The following LTBP3 variants were observed in gnomAD, a reference collection of about 807,000 sequenced individuals.
LTBP3 encodes the protein latent transforming growth factor beta binding protein 3.
Under a neutral mutation model 159.7 loss-of-function variants are expected in LTBP3, and 97 were observed. The ratio of observed to expected loss-of-function variants is 0.61; its 90% CI spans 0.52 to 0.72. The LOEUF (loss-of-function observed/expected upper bound fraction) is 0.72, where lower values mean the gene tolerates loss of function less well. Ranked by LOEUF, LTBP3 falls within the 30% of genes least tolerant of loss-of-function variation. The pLI is 0.00. For synonymous variants in LTBP3, 824 were observed against 777.1 expected, an observed-to-expected ratio of 1.06 and a Z score of -1.00; for missense variants, 1,584 against 1,864.3, an observed-to-expected ratio of 0.85 and a Z score of 2.77.
rs201114416 is a variant in LTBP3, at chr11:65,551,217, G to A, written c.1629C>T (p.Ile543=). 4.5e-5 allele frequency: 69 copies of A among 1,547,356 alleles called. No individual in the cohort carries two copies. The East Asian group carries it at 1.6e-3, about 36-fold the overall frequency. ...TTPARPYPEL[I]SRPSPPTMRW... ...GCATGGTCGGGGGCGAGGGACGGGA[G>A]ATCAGCTCTGCGGGCGGCAGTGCAC... The change falls in exon 11 of 28, where the codon ATC becomes ATT. Residue 543 remains isoleucine (I), a synonymous_variant. Coordinates refer to ENST00000301873, the MANE Select transcript of LTBP3 (RefSeq NM_001130144.3).
Position 65,546,538 on chromosome 11 carries a change from G to A in LTBP3, c.2257C>T (p.Pro753Ser), listed in dbSNP as rs1184329319. ...RDVNECAEGS[P>S]CSPGWCENLP... is the part of the protein sequence containing the mutation. ...TTCTCGCACCAGCCAGGCGAGCAGGGGCTGCCCTCGGCGCACTCGTTCACG... is the reference window on the plus strand; with the variant it reads ...TTCTCGCACCAGCCAGGCGAGCAGGAGCTGCCCTCGGCGCACTCGTTCACG... Residue 753 changes from proline to serine, a missense_variant, in exon 16 of 28, where the codon CCC (proline) becomes TCC (serine). Pro to Ser is a moderately conservative substitution (Grantham distance 74, BLOSUM62 -1). Coordinates refer to ENST00000301873, the MANE Select transcript of LTBP3 (RefSeq NM_001130144.3). The surrounding 1 kb of genome is among the most constrained non-coding windows in gnomAD (Gnocchi z 4.0). 1 of 1,602,154 alleles carries A rather than the reference G, an allele frequency of 6.2e-7. No homozygotes were observed. The highest frequency in any genetic ancestry group is 8.5e-7 in the Non-Finnish European group (1 of 1,179,396).
At chr11:65,540,715 AC>A (rs1856083521) in intron 21 of LTBP3, 101 bp from the exon 22 acceptor site, 1 of 1,504,046 alleles carries the variant, frequency 6.6e-7, no homozygotes. Context: ...GGCGGGGCCT[AC>A]AGGAGGGGCG....
Position 65,558,095 on chromosome 11 carries a change from G to A in LTBP3, c.-136C>T, listed in dbSNP as rs1409495643. 3 of 1,073,948 alleles carry A rather than the reference G, an allele frequency of 2.8e-6. No homozygotes were observed. Among genetic ancestry groups the A allele is most frequent in the Non-Finnish European group, 3.4e-6 (3 of 885,690 alleles). The allele number at this position is 1,073,948 out of a possible 1,614,324, so 66.5% of individuals were successfully genotyped here. A position where few individuals can be genotyped will look rare whatever the true frequency, so the allele number is the denominator to read the frequency against. On this transcript the variant is annotated 5_prime_UTR_variant, in exon 1 of 28. Transcript: ENST00000301873. The stretch of plus-strand genomic sequence containing the variant: ...GGAGGGCAGCGGGGGAAGCGGGCGG[G>A]AGGGGACCGCGGGGGCCCGGCGGGA...
At position 65,539,567 on chromosome 11, in the gene LTBP3, C is replaced by G; in HGVS notation, c.3609G>C (p.Leu1203=). 2.5e-6 allele frequency: 4 copies of G among 1,612,802 alleles called. No individual in the cohort carries two copies. Among genetic ancestry groups the G allele is most frequent in the Non-Finnish European group, 3.4e-6 (4 of 1,179,332 alleles). Residue 1203 remains leucine, a synonymous_variant, in exon 26 of 28, where the codon CTG becomes CTC. Transcript: ENST00000301873. ...ACTCACCTCTTGGGGGCTTCCCCAA[C>G]AGCAGGGGGCTTGTGTCCCAGAAGG... The part of the protein sequence containing the change: ...SNSFWDTSPL[L]LGKPPRDEDS...
In LTBP3 at chr11:65,546,973, C is replaced by A; in HGVS notation, c.2108-53G>T. 1 of 1,602,322 alleles carries A rather than the reference C, an allele frequency of 6.2e-7. No individual in the cohort carries two copies. Among genetic ancestry groups the A allele is most frequent in the Non-Finnish European group, 8.5e-7 (1 of 1,178,816 alleles). On this transcript the variant is annotated intron_variant, in intron 14 of 27. Coordinates refer to ENST00000301873, the MANE Select transcript of LTBP3 (RefSeq NM_001130144.3). This position sits in a 1 kb window ranked among gnomAD's most constrained non-coding sequence, Gnocchi z 4.0. ...CCATCTGGGGACAACGCGGGTGGCC[C>A]GGCTCCCAGCGTCCACAGCAGGGAC...
intron 1 of LTBP3, among the ~76,000 whole-genome samples, chr11:65,557,022 T>C (rs945974524): frequency 6.6e-6 from 1 of 151,974 alleles, no homozygotes; most frequent in South Asian, 2.1e-4. Flanking sequence ...TAGGAGCTTA[T>C]GGGGAGGCAT....
rs923891777 is a variant in LTBP3, at chr11:65,546,141, T to C, written c.2353+301A>G. 1 of 414,284 alleles carries C rather than the reference T, an allele frequency of 2.4e-6. No homozygotes were observed. Among genetic ancestry groups the C allele is most frequent in the African/African-American group, 2.1e-5 (1 of 46,740 alleles). 25.7% of individuals were successfully genotyped at this position (414,284 alleles called of 1,614,324 possible). ...GCCCCCAGCCCCGCCTCTTGGCGTA[T>C]AATAAACAGGAGTGCAGGGGGGAGT... On this transcript the variant is annotated intron_variant, in intron 16 of 27. Transcript: ENST00000301873. The surrounding 1 kb of genome is among the most constrained non-coding windows in gnomAD (Gnocchi z 4.0).
Position 65,538,866 on chromosome 11 carries a change from AG to A in LTBP3, c.*213del. 1.1e-6 allele frequency: 1 copy of A among 911,422 alleles called. No homozygotes were observed. Among genetic ancestry groups the A allele is most frequent in the Non-Finnish European group, 1.5e-6 (1 of 659,444 alleles). 56.5% of individuals were successfully genotyped at this position (911,422 alleles called of 1,614,324 possible). ...CAGTTTCTAGGAAACACCCTCTGGGAGGAAGGCAGGCAGCGCCCGCCGGAGA... is the reference window on the plus strand; with the variant it reads ...CAGTTTCTAGGAAACACCCTCTGGGAGAAGGCAGGCAGCGCCCGCCGGAGA... On this transcript the variant is annotated 3_prime_UTR_variant, in exon 28 of 28. Transcript: ENST00000301873.
At position 65,540,489 on chromosome 11, in the gene LTBP3, C is replaced by T. The variant is rs200797100; in HGVS notation, c.3103G>A (p.Val1035Met). 17 of 1,613,388 alleles carry T rather than the reference C, an allele frequency of 1.1e-5. No homozygotes were observed. The Admixed American group carries it at 2.7e-4, about 25-fold the overall frequency. Residue 1035 changes from valine (V) to methionine (M), a missense_variant, in exon 22 of 28, where the codon GTG becomes ATG. Coordinates refer to ENST00000301873, the MANE Select transcript of LTBP3 (RefSeq NM_001130144.3). The part of the protein sequence containing the change: ...FYYDGNLLEC[V>M]DVDECLDESN... Reference sequence around the variant, plus strand: ...GCCGCCGGGGGGCGGAGCTCACCCACGCATTCCAGCAGGTTCCCGTCGTAG... The same window carrying T: ...GCCGCCGGGGGGCGGAGCTCACCCATGCATTCCAGCAGGTTCCCGTCGTAG...
Position 65,540,502 on chromosome 11 carries a change from G to C in LTBP3, c.3090C>G (p.Asn1030Lys). 1 of 1,613,734 alleles carries C rather than the reference G, an allele frequency of 6.2e-7. No homozygotes were observed. The highest frequency in any genetic ancestry group is 1.1e-5 in the South Asian group (1 of 91,090). The change falls in exon 22 of 28, where the codon AAC (asparagine) becomes AAG (lysine). Residue 1030 changes from asparagine (N) to lysine (K), a missense_variant. Physicochemically the swap from Asn to Lys is moderately conservative, Grantham distance 94. Around this residue, in one of 6 missense-constraint regions of LTBP3, gnomAD observed 514 missense variants for 530.3 expected, o/e 0.97. Transcript: ENST00000301873. ...YCKQGFYYDG[N>K]LLECVDVDEC... ...GGAGCTCACCCACGCATTCCAGCAGGTTCCCGTCGTAGTAGAAGCCCTGCT... is the reference window on the plus strand; with the variant it reads ...GGAGCTCACCCACGCATTCCAGCAGCTTCCCGTCGTAGTAGAAGCCCTGCT...
intron 18 of LTBP3, 38 bp downstream of exon 18, chr11:65,543,067 G>C: frequency 6.2e-7 from 1 of 1,612,234 alleles, no homozygotes; most frequent in Non-Finnish European, 8.5e-7. Flanking sequence ...ACTGCTCCCT[G>C]CCACATCCCT....
rs1257580644 is a variant in LTBP3 at position 65,539,555 on chromosome 11, G to A, written c.3621C>T (p.Pro1207=). ...WDTSPLLLGK[P]PRDEDSSEED... ...CGACCCGGCAGCACTCACCTCTTGGGGGCTTCCCCAACAGCAGGGGGCTTG... is the reference window on the plus strand; with the variant it reads ...CGACCCGGCAGCACTCACCTCTTGGAGGCTTCCCCAACAGCAGGGGGCTTG... Residue 1207 remains proline, a synonymous_variant, in exon 26 of 28, where the codon CCC becomes CCT. Transcript: ENST00000301873. The A allele has an allele frequency of 5.0e-6, 8 of 1,612,482 alleles. No homozygotes were observed. The highest frequency in any genetic ancestry group is 1.3e-5 in the African/African-American group (1 of 74,950).
chr11:65,546,723 C>A lies in LTBP3; in HGVS notation c.2230+75G>T. 6.6e-7 allele frequency: 1 copy of A among 1,514,078 alleles called. No homozygotes were observed. Among genetic ancestry groups the A allele is most frequent in the Admixed American group, 1.9e-5 (1 of 53,408 alleles). 93.8% of individuals were successfully genotyped at this position (1,514,078 alleles called of 1,614,324 possible). On this transcript the variant is annotated intron_variant, in intron 15 of 27. Transcript: ENST00000301873. The surrounding 1 kb of genome is among the most constrained non-coding windows in gnomAD (Gnocchi z 4.0). ...GACGCCAATCACCACCGCTACCCCG[C>A]CCCGCCCCCAGCGGAGCCAGACTGG...
At position 65,554,209 on chromosome 11, in the gene LTBP3, G is replaced by T. The variant is rs768297786; in HGVS notation, c.503C>A (p.Ala168Glu). The change falls in exon 2 of 28, where the codon GCG becomes GAG. Residue 168 changes from alanine (A) to glutamate (E), a missense_variant. Physicochemically the swap from Ala to Glu is moderately radical, Grantham distance 107. Coordinates refer to ENST00000301873, the MANE Select transcript of LTBP3 (RefSeq NM_001130144.3). The surrounding 1 kb of genome is among the most constrained non-coding windows in gnomAD (Gnocchi z 5.3). Reference sequence around the variant, plus strand: ...GCCCTCCGGAGCCAGGGGCGGCAGCGCCCCTGTGGACAGGGCCCCTGTCCT... The same window carrying T: ...GCCCTCCGGAGCCAGGGGCGGCAGCTCCCCTGTGGACAGGGCCCCTGTCCT... ...LSRTGALSTG[A>E]LPPLAPEGDS... is the part of the protein sequence containing the mutation. The T allele has an allele frequency of 1.9e-6, 3 of 1,610,424 alleles. No individual in the cohort carries two copies. The highest frequency in any genetic ancestry group is 2.7e-5 in the African/African-American group (2 of 74,806).
Position 65,540,357 on chromosome 11 carries a change from G to A in LTBP3, c.3132C>T (p.Ser1044=), listed in dbSNP as rs763344434. 10 of 1,592,252 alleles carry A rather than the reference G, an allele frequency of 6.3e-6. No homozygotes were observed. The highest frequency in any genetic ancestry group is 8.5e-6 in the Non-Finnish European group (10 of 1,170,794). The stretch of plus-strand genomic sequence containing the variant: ...TCTCACACACTCCGTTCCGGCAGTT[G>A]GACTCGTCCAGGCACTCGTCCACGT... ...CVDVDECLDE[S]NCRNGVCENT... is the part of the protein sequence containing the mutation. Residue 1044 remains serine, a synonymous_variant, in exon 23 of 28, where the codon TCC becomes TCT. Transcript: ENST00000301873.
intron 8 of LTBP3, 112 bp downstream of exon 8, chr11:65,551,860 A>T (rs1314205580): frequency 1.1e-5 from 14 of 1,273,426 alleles, no homozygotes; most frequent in Non-Finnish European, 5.7e-6. Flanking sequence ...TGGATGGGTC[A>T]GGGATAAGGA....
At chr11:65,551,876 G>C in intron 8 of LTBP3, 96 bp downstream of exon 8, 1 of 1,374,918 alleles carries the variant, frequency 7.3e-7, no homozygotes, top group African/African-American at 1.4e-5. Context: ...AAGGAATTGG[G>C]GGTTAGACTG....
In LTBP3 at chr11:65,552,842, C is replaced by A. The variant is rs369938562; in HGVS notation, c.1186+18G>T. On this transcript the variant is annotated intron_variant, in intron 6 of 27. Coordinates refer to ENST00000301873, the MANE Select transcript of LTBP3 (RefSeq NM_001130144.3). The surrounding 1 kb of genome is among the most constrained non-coding windows in gnomAD (Gnocchi z 6.0). ...CCATGCCTTGTGACCTCCCAGGAAC[C>A]TGAGCCCCAGGTCTCACCAATGCAC... is the stretch of plus-strand genomic sequence containing the variant. 245 of 1,614,142 alleles carry A rather than the reference C, an allele frequency of 1.5e-4. No individual in the cohort carries two copies. The African/African-American group carries it at 3.0e-3, about 20-fold the overall frequency.
At position 65,557,877 on chromosome 11, in the gene LTBP3, A is replaced by G. The variant is rs1432074462; in HGVS notation, c.83T>C (p.Leu28Pro). 1 of 1,319,970 alleles carries G rather than the reference A, an allele frequency of 7.6e-7. No homozygotes were observed. The highest frequency in any genetic ancestry group is 9.7e-7 in the Non-Finnish European group (1 of 1,028,294). The allele number at this position is 1,319,970 out of a possible 1,614,324, so 81.8% of individuals were successfully genotyped here. The change falls in exon 1 of 28, where the codon CTG (leucine) becomes CCG (proline). Residue 28 changes from leucine (L) to proline (P), a missense_variant. This residue lies in a region of LTBP3 where 79 missense variants were observed against 64.7 expected (regional missense o/e 1.22). Transcript: ENST00000301873. ...GCCCAGCAGCAGCAGCAGCAGCAGC[A>G]GCAGCAGCGCCAGCAGCCCCGCCGC... Reference protein sequence around the residue: ...AGAAGLLALLLLLLLLLLGLG... With the variant: ...AGAAGLLALLPLLLLLLLGLG...
Sources: allele counts gnomAD v4.1 joint callset (sites outside exome capture counted in the v4.1 genomes callset), GRCh38; gene constraint gnomAD v4.1.1; regional missense constraint gnomAD v4.1.1; non-coding constraint Gnocchi (gnomAD v3.1); transcripts MANE v1.5; gene names NCBI Gene and HGNC (gene_info 2026-07-23, HGNC 2026-07-21).